Variants in DIO2 observed in about 807,000 individuals in gnomAD.
DIO2 encodes iodothyronine deiodinase 2.
In DIO2, 19 loss-of-function variants were observed where a neutral mutation model predicts 21.4. That is an observed-to-expected ratio of 0.89 (90% CI 0.62 to 1.30). The LOEUF (loss-of-function observed/expected upper bound fraction) is 1.30, where lower values mean the gene tolerates loss of function less well. Among genes scored for constraint, DIO2 ranks in the 50% most tolerant of loss-of-function variants. The pLI is 0.00. For missense variants in DIO2, 302 were observed against 338.1 expected (o/e 0.89, Z 0.84); for synonymous variants, 122 against 132.9 (o/e 0.92, Z 0.57).
chr14:80,224,364 T>C (rs1888527392), intron 2 of DIO2, among the ~76,000 whole-genome samples: 1 of 152,088 alleles, frequency 6.6e-6, no homozygotes, highest in South Asian at 2.1e-4. Context: ...GTAAATGTTG[T>C]CTTATTTGGA....
At chr14:80,221,367 A>G (rs983887759) in intron 2 of DIO2, among the ~76,000 whole-genome samples, 2 of 152,182 alleles carry the variant, frequency 1.3e-5, no homozygotes, top group African/African-American at 4.8e-5. Context: ...GCTAGAAACC[A>G]ATGTTTTGTC....
At position 80,198,427 on chromosome 14, in the gene DIO2, T is replaced by G. The variant is rs1197296054; in HGVS notation, c.*4262A>C. Reference sequence around the variant, plus strand: ...AGGGCATTAGGAAGTGGCCCAATGTTTTGCTCATCCTAAAGTCACTCAATG... The same window carrying G: ...AGGGCATTAGGAAGTGGCCCAATGTGTTGCTCATCCTAAAGTCACTCAATG... On this transcript the variant is annotated 3_prime_UTR_variant, in exon 2 of 2. Coordinates refer to ENST00000438257, the MANE Select transcript of DIO2 (RefSeq NM_013989.5). 1 of 152,606 alleles carries G rather than the reference T, an allele frequency of 6.6e-6. No homozygotes were observed. The highest frequency in any genetic ancestry group is 1.5e-5 in the Non-Finnish European group (1 of 68,038). 9.5% of individuals were successfully genotyped at this position (152,606 alleles called of 1,614,324 possible).
chr14:80,230,858 C>T (rs1888672469), intron 2 of DIO2: 2 of 152,138 alleles, frequency 1.3e-5, no homozygotes. Flanking sequence ...TCTAGAGGGA[C>T]AGAACTAATA....
chr14:80,210,465 C>A (rs967466944), intron 1 of DIO2, among the ~76,000 whole-genome samples: 8 of 152,218 alleles, frequency 5.3e-5, no homozygotes, highest in Non-Finnish European at 7.3e-5. Flanking sequence ...CTCATAACAG[C>A]TCTGAGATTT....
intron 1 of DIO2, among the ~76,000 whole-genome samples, chr14:80,209,037 C>T (rs745498209): frequency 1.8e-4 from 28 of 152,072 alleles, no homozygotes; most frequent in Non-Finnish European, 3.4e-4. Context: ...ATATACAAAC[C>T]ATATGCAAAA....
chr14:80,229,151 C>G (rs926904095), intron 2 of DIO2, among the ~76,000 whole-genome samples: 1 of 152,130 alleles, frequency 6.6e-6, no homozygotes, highest in African/African-American at 2.4e-5. Context: ...TTTGTCCATT[C>G]AACCTAGAAG....
chr14:80,204,622 T>C (rs1262911666), intron 1 of DIO2, among the ~76,000 whole-genome samples: 5 of 152,216 alleles, frequency 3.3e-5, no homozygotes, highest in Non-Finnish European at 7.4e-5. Context: ...AATTGATTTT[T>C]ATATACTATC....
At chr14:80,220,735 A>G (rs1468422500) in intron 2 of DIO2, among the ~76,000 whole-genome samples, 2 of 152,160 alleles carry the variant, frequency 1.3e-5, no homozygotes, top group Non-Finnish European at 2.9e-5. Flanking sequence ...ACCTCAGGAA[A>G]TTACTCTTGC....
intron 2 of DIO2, among the ~76,000 whole-genome samples, chr14:80,225,671 T>A (rs1319118410): frequency 6.6e-6 from 1 of 152,144 alleles, no homozygotes; most frequent in Non-Finnish European, 1.5e-5. Context: ...GGTCGTGGGT[T>A]TTTTTTCCTG....
intron 1 of DIO2, chr14:80,205,515 G>A (rs753862857): frequency 4.4e-5 from 43 of 974,406 alleles, no homozygotes; most frequent in Non-Finnish European, 5.2e-5. Flanking sequence ...ATTCATCCGA[G>A]CAGACCTGTT....
intron 2 of DIO2, among the ~76,000 whole-genome samples, chr14:80,227,859 A>G (rs112911546): frequency 1.3e-5 from 2 of 152,276 alleles, no homozygotes; most frequent in African/African-American, 4.8e-5. Flanking sequence ...CCAAAATCCA[A>G]ATAGACCCAC....
At chr14:80,219,143 C>G (rs1236429220) in intron 2 of DIO2, among the ~76,000 whole-genome samples, 1 of 152,142 alleles carries the variant, frequency 6.6e-6, no homozygotes, top group Non-Finnish European at 1.5e-5. Flanking sequence ...AACAGACTCT[C>G]TCTTCTAGGC....
chr14:80,222,734 T>C (rs1434773105), intron 2 of DIO2, among the ~76,000 whole-genome samples: 1 of 152,204 alleles, frequency 6.6e-6, no homozygotes, highest in East Asian at 1.9e-4. Flanking sequence ...AGCAATTTCA[T>C]ATGGTTTAAT....
At chr14:80,203,646 T>G (rs563899570) in intron 1 of DIO2, among the ~76,000 whole-genome samples, 1 of 152,174 alleles carries the variant, frequency 6.6e-6, no homozygotes, top group South Asian at 2.1e-4. Flanking sequence ...AACAAATGAT[T>G]AATTGACTTC....
At chr14:80,211,147 G>A in intron 1 of DIO2, 104 bp downstream of exon 1, 1 of 1,104,242 alleles carries the variant, frequency 9.1e-7, no homozygotes, top group East Asian at 2.6e-5. Flanking sequence ...CCACAAATAG[G>A]GCTTCACAGC....
chr14:80,201,251 CAAATT>C lies in DIO2; in HGVS notation c.*1433_*1437del, dbSNP rs1459438461. ...ATGGGACCAAGGGAAGATCCAAGTCCAAATTCAAATGTCAATGGAAATTCCATGAT... is the reference window on the plus strand; with the variant it reads ...ATGGGACCAAGGGAAGATCCAAGTCCCAAATGTCAATGGAAATTCCATGAT... On this transcript the variant is annotated 3_prime_UTR_variant, in exon 2 of 2. Coordinates refer to ENST00000438257, the MANE Select transcript of DIO2 (RefSeq NM_013989.5). 1.3e-5 allele frequency: 2 copies of C among 151,906 alleles called. No individual in the cohort carries two copies. Among genetic ancestry groups the C allele is most frequent in the Non-Finnish European group, 2.9e-5 (2 of 67,978 alleles). 9.4% of individuals were successfully genotyped at this position (151,906 alleles called of 1,614,324 possible). A position where few individuals can be genotyped will look rare whatever the true frequency, so the allele number is the denominator to read the frequency against.
At chr14:80,214,845 A>G (rs942422102), upstream of DIO2, among the ~76,000 whole-genome samples, 1 of 152,236 alleles carries the variant, frequency 6.6e-6, no homozygotes, top group African/African-American at 2.4e-5. Flanking sequence ...GCAGATTACC[A>G]AAATTAGGGA....
Position 80,225,118 on chromosome 14 carries a change from G to A in DIO2, c.-277-8381C>T, listed in dbSNP as rs550803613. ...ATATGGTGCCCACCAGATTAAGGGT[G>A]GTTCTGCCTTCCCCAGCCCACTGAC... is the stretch of plus-strand genomic sequence containing the variant. On this transcript the variant is annotated intron_variant, in intron 2 of 4. Coordinates refer to the DIO2 transcript ENST00000553594. Among the ~76,000 whole-genome samples, 10 of 152,182 alleles carry A rather than the reference G, an allele frequency of 6.6e-5. No homozygotes were observed. The South Asian group carries it at 2.1e-3, about 32-fold the overall frequency.
At chr14:80,206,355 A>G (rs1254685922) in intron 1 of DIO2, 1 of 1,463,794 alleles carries the variant, frequency 6.8e-7, no homozygotes, top group Admixed American at 2.6e-5. Flanking sequence ...TAAAGAAAAA[A>G]AACTTTTTTT....
Sources: gnomAD v4.1 joint callset for allele counts (sites outside exome capture counted in the v4.1 genomes callset) on GRCh38, gnomAD v4.1.1 for gene constraint, MANE v1.5 for transcripts, NCBI Gene and HGNC (gene_info 2026-07-23, HGNC 2026-07-21) for gene names.